TCF7L1: variants seen among roughly 807,000 people sequenced by gnomAD.
TCF7L1 encodes transcription factor 7 like 1.
Under a neutral mutation model 63.7 loss-of-function variants are expected in TCF7L1, and 18 were observed. The ratio of observed to expected loss-of-function variants is 0.28; its 90% CI spans 0.20 to 0.42. The LOEUF (loss-of-function observed/expected upper bound fraction) is 0.42, where lower values mean the gene tolerates loss of function less well. TCF7L1 is among the 10% of genes least tolerant of loss of function. The pLI is 1.00. For synonymous variants in TCF7L1, 355 were observed against 340.9 expected (o/e 1.04, Z -0.46); for missense variants, 654 against 779.3 (o/e 0.84, Z 1.91).
intron 3 of TCF7L1, among the ~76,000 whole-genome samples, chr2:85,154,964 G>A (rs942684144): frequency 3.9e-5 from 6 of 152,056 alleles, no homozygotes; most frequent in African/African-American, 1.2e-4. Flanking sequence ...CTACAGGTGC[G>A]TGCCACCATG....
chr2:85,256,395 TG>T (rs1478137678), intron 3 of TCF7L1, among the ~76,000 whole-genome samples: 3 of 152,128 alleles, frequency 2.0e-5, no homozygotes, highest in Non-Finnish European at 2.9e-5. Flanking sequence ...TTGGAGGATT[TG>T]GGTGGGGGAA....
intron 3 of TCF7L1, among the ~76,000 whole-genome samples, chr2:85,201,447 G>C (rs570970800): frequency 2.0e-5 from 3 of 152,296 alleles, no homozygotes; most frequent in African/African-American, 7.2e-5. Context: ...ATGCATTCAT[G>C]ACATACCTTT....
chr2:85,190,716 A>G (rs1679024048), intron 3 of TCF7L1, among the ~76,000 whole-genome samples: 1 of 152,218 alleles, frequency 6.6e-6, no homozygotes, highest in East Asian at 1.9e-4. Context: ...AGATAGTAGA[A>G]TCTTCTATTT....
intron 3 of TCF7L1, among the ~76,000 whole-genome samples, chr2:85,146,670 T>G (rs1245371146): frequency 6.6e-6 from 1 of 151,738 alleles, no homozygotes; most frequent in Non-Finnish European, 1.5e-5. Flanking sequence ...CCTGGCTAAT[T>G]TTTTTGTATT....
chr2:85,163,800 TCAAA>T (rs1299674429), intron 3 of TCF7L1, among the ~76,000 whole-genome samples: 1 of 152,130 alleles, frequency 6.6e-6, no homozygotes, highest in Non-Finnish European at 1.5e-5. Context: ...CCCTGTGTAT[TCAAA>T]CAGTCTTCCC....
intron 8 of TCF7L1, 103 bp downstream of exon 8, chr2:85,305,506 C>A: frequency 7.2e-7 from 1 of 1,386,548 alleles, no homozygotes; most frequent in Non-Finnish European, 9.6e-7. Flanking sequence ...CTCTTGGTGT[C>A]ACTCAGCAGG....
Position 85,262,310 on chromosome 2 carries a change from G to A in TCF7L1, c.442-21185G>A, listed in dbSNP as rs1680877831. ...CACTTTCTGGCCCTGGCCATGGTAT[G>A]CCATGGTGGAATTTCACAAAGAGCA... On this transcript the variant is annotated intron_variant, in intron 3 of 11. Coordinates refer to ENST00000282111, the MANE Select transcript of TCF7L1 (RefSeq NM_031283.3). 1.1e-5 allele frequency: 6 copies of A among 549,246 alleles called. 1 individual carries two copies. The highest frequency in any genetic ancestry group is 8.5e-5 in the South Asian group (6 of 70,514). The allele number at this position is 549,246 out of a possible 1,614,324, so 34.0% of individuals were successfully genotyped here. A position where few individuals can be genotyped will look rare whatever the true frequency, so the allele number is the denominator to read the frequency against.
At chr2:85,214,079 C>G (rs1435474845) in intron 3 of TCF7L1, among the ~76,000 whole-genome samples, 2 of 152,190 alleles carry the variant, frequency 1.3e-5, no homozygotes, top group African/African-American at 4.8e-5. Flanking sequence ...CCATGCTCAG[C>G]AGCCTGAACC....
At chr2:85,166,767 G>T (rs1458900905) in intron 3 of TCF7L1, among the ~76,000 whole-genome samples, 1 of 152,224 alleles carries the variant, frequency 6.6e-6, no homozygotes, top group African/African-American at 2.4e-5. Context: ...TGGGTTGATT[G>T]TCTCTTTAGC....
intron 4 of TCF7L1, among the ~76,000 whole-genome samples, chr2:85,295,960 T>C (rs1302467190): frequency 6.6e-6 from 1 of 152,088 alleles, no homozygotes; most frequent in East Asian, 1.9e-4. Context: ...GTATTTTTAG[T>C]TGACACAGGA....
In TCF7L1 at chr2:85,305,261, C is replaced by T. The variant is rs540124891; in HGVS notation, c.847C>T (p.Leu283=). Residue 283 remains leucine, a splice_region_variant and synonymous_variant, in exon 8 of 12, where the codon CTG becomes TTG. Transcript: ENST00000282111. ...CATTTGTTTCTATCCGGTGCACAGC[C>T]TGGTCTCCAGTCGGTTCTCTCCTCA... ...ALAMNASMSS[L]VSSRFSPHMV... 8 of 1,614,142 alleles carry T rather than the reference C, an allele frequency of 5.0e-6. No homozygotes were observed. In the East Asian group the frequency reaches 6.7e-5, roughly 13 times the overall value.
intron 3 of TCF7L1, among the ~76,000 whole-genome samples, chr2:85,243,158 G>A (rs11675205): frequency 0.2 from 30,609 of 152,120 alleles, 3,798 homozygotes; most frequent in Non-Finnish European, 0.28. Context: ...ACGCAGTTTC[G>A]AAAGAACTAA....
chr2:85,168,757 G>A (rs917589135), intron 3 of TCF7L1, among the ~76,000 whole-genome samples: 1 of 152,110 alleles, frequency 6.6e-6, no homozygotes, highest in Non-Finnish European at 1.5e-5. Flanking sequence ...GCGTAGCTGG[G>A]ACTACAGGCA....
At chr2:85,135,669 A>G (rs566412919) in intron 3 of TCF7L1, among the ~76,000 whole-genome samples, 11 of 143,552 alleles carry the variant, frequency 7.7e-5, no homozygotes, top group South Asian at 2.5e-4. Context: ...CGGGGGCGCT[A>G]CCATCACCAG....
At chr2:85,280,157 G>C (rs564455772) in intron 3 of TCF7L1, among the ~76,000 whole-genome samples, 5 of 152,082 alleles carry the variant, frequency 3.3e-5, no homozygotes, top group Non-Finnish European at 7.3e-5. Flanking sequence ...TCTCAGTTGC[G>C]GGAGGGAAGA....
intron 3 of TCF7L1, among the ~76,000 whole-genome samples, chr2:85,181,390 G>C (rs1176992721): frequency 6.6e-6 from 1 of 152,224 alleles, no homozygotes; most frequent in Non-Finnish European, 1.5e-5. Context: ...GGACATATAG[G>C]AGGCTCCCAG....
chr2:85,205,169 T>A (rs1376784218), intron 3 of TCF7L1: 1 of 152,250 alleles, frequency 6.6e-6, no homozygotes, highest in African/African-American at 2.4e-5. Flanking sequence ...CAAGTTGTTT[T>A]AAAATAATAC....
At chr2:85,151,752 G>A (rs1678021446) in intron 3 of TCF7L1, among the ~76,000 whole-genome samples, 1 of 152,186 alleles carries the variant, frequency 6.6e-6, no homozygotes, top group African/African-American at 2.4e-5. Flanking sequence ...TTTGCATATT[G>A]TTTAGGGCAG....
chr2:85,185,960 A>ATTTTTTTTTTTT, intron 3 of TCF7L1, among the ~76,000 whole-genome samples: 1 of 94,642 alleles, frequency 1.1e-5, no homozygotes, highest in Non-Finnish European at 2.0e-5. Flanking sequence ...AACACAGGGG[A>ATTTTTTTTTTTT]TTTTTTTTTT....
Sources: allele counts gnomAD v4.1 joint callset (sites outside exome capture counted in the v4.1 genomes callset), GRCh38; gene constraint gnomAD v4.1.1; transcripts MANE v1.5; gene names NCBI Gene and HGNC (gene_info 2026-07-23, HGNC 2026-07-21).